Variants in NRP1 observed in about 807,000 individuals in gnomAD.
The protein encoded by NRP1 is neuropilin-1.
NRP1 carries 35 observed loss-of-function variants against 106.7 expected under a neutral mutation model. The ratio of observed to expected loss-of-function variants is 0.33; its 90% CI spans 0.25 to 0.43. The LOEUF (loss-of-function observed/expected upper bound fraction) is 0.43, where lower values mean the gene tolerates loss of function less well. Ranked by LOEUF, NRP1 falls within the 20% of genes least tolerant of loss-of-function variation. The pLI, the probability that NRP1 is intolerant of heterozygous loss-of-function variation, is 1.00. For synonymous variants in NRP1, 437 were observed against 417.9 expected (o/e 1.05, Z -0.56); for missense variants, 1,024 against 1,170.4 (o/e 0.87, Z 1.83).
At chr10:33,299,145 T>C (rs1306845316) in intron 2 of NRP1, among the ~76,000 whole-genome samples, 1 of 152,192 alleles carries the variant, frequency 6.6e-6, no homozygotes, top group Non-Finnish European at 1.5e-5. Context: ...TGGCTCTGTC[T>C]GACCCAAAGT....
rs190204725 is a variant in NRP1, at chr10:33,316,790, T to C, written c.248+13918A>G. Reference sequence around the variant, plus strand: ...GAAATCAGGGCCAAGAAATGGCCAATGTTTTGAAGCATTAGAAGAGCCACT... The same window carrying C: ...GAAATCAGGGCCAAGAAATGGCCAACGTTTTGAAGCATTAGAAGAGCCACT... On this transcript the variant is annotated intron_variant, in intron 2 of 16. Transcript: ENST00000374867. 7.2e-5 allele frequency among the ~76,000 whole-genome samples: 11 copies of C among 152,346 alleles called. No individual in the cohort carries two copies. The East Asian group carries it at 1.2e-3, about 16-fold the overall frequency.
intron 2 of NRP1, among the ~76,000 whole-genome samples, chr10:33,275,580 G>A (rs117827557): frequency 0.038 from 5,676 of 150,766 alleles, 162 homozygotes; most frequent in Non-Finnish European, 0.061. Flanking sequence ...ACAAACAAAC[G>A]AAAACAACAC....
chr10:33,251,384 G>T lies in NRP1; in HGVS notation c.981+2644C>A, dbSNP rs1399593056. On this transcript the variant is annotated intron_variant, in intron 6 of 16. Transcript: ENST00000374867. ...CAGTCTTGGGTAGTTCTTTATAGCG[G>T]TGTGAGAACAGACTAATACACTCTG... 2.6e-5 allele frequency among the ~76,000 whole-genome samples: 4 copies of T among 151,754 alleles called. No individual in the cohort carries two copies. The East Asian group carries it at 7.7e-4, about 29-fold the overall frequency.
chr10:33,300,665 T>A (rs1178190323), intron 2 of NRP1, among the ~76,000 whole-genome samples: 1 of 152,204 alleles, frequency 6.6e-6, no homozygotes, highest in Non-Finnish European at 1.5e-5. Context: ...ACCCCTCTGC[T>A]CACAGAGATA....
intron 11 of NRP1, chr10:33,202,479 G>C (rs1416855610): frequency 7.0e-6 from 6 of 851,572 alleles, no homozygotes; most frequent in African/African-American, 5.1e-5. Flanking sequence ...GTTGGATAAA[G>C]GATCCACTCA....
At chr10:33,320,191 T>C (rs1458139529) in intron 2 of NRP1, among the ~76,000 whole-genome samples, 1 of 151,916 alleles carries the variant, frequency 6.6e-6, no homozygotes, top group Non-Finnish European at 1.5e-5. Flanking sequence ...CGTGTGCCTG[T>C]AGTCCCAGCT....
chr10:33,215,649 AATAT>A (rs1462300915), intron 8 of NRP1, among the ~76,000 whole-genome samples: 1 of 152,208 alleles, frequency 6.6e-6, no homozygotes, highest in Non-Finnish European at 1.5e-5. Context: ...TTAGCCTAAA[AATAT>A]AACTACCCCT....
chr10:33,232,638 C>CTTTTT (rs71030049), intron 6 of NRP1, among the ~76,000 whole-genome samples: 25 of 94,212 alleles, frequency 2.7e-4, no homozygotes, highest in African/African-American at 4.0e-4. Context: ...TTTTCTTTTC[C>CTTTTT]TTTTTTTTTT....
intron 2 of NRP1, among the ~76,000 whole-genome samples, chr10:33,295,103 T>C (rs1266339541): frequency 1.3e-5 from 2 of 152,302 alleles, no homozygotes; most frequent in South Asian, 2.1e-4. Context: ...ACAGGTACCA[T>C]ATAAGGAGTA....
At chr10:33,253,583 A>G (rs1289918029) in intron 6 of NRP1, among the ~76,000 whole-genome samples, 1 of 152,186 alleles carries the variant, frequency 6.6e-6, no homozygotes, top group East Asian at 1.9e-4. Context: ...ACAGAAACCT[A>G]TTATTGGAAA....
chr10:33,256,665 A>G (rs1053522746), intron 4 of NRP1, among the ~76,000 whole-genome samples, 194 bp from the exon 5 acceptor site: 1 of 152,250 alleles, frequency 6.6e-6, no homozygotes. Context: ...AAGTGTACTC[A>G]GAAGGGCAGT....
chr10:33,313,745 C>T (rs757553205), intron 2 of NRP1, among the ~76,000 whole-genome samples: 1 of 152,126 alleles, frequency 6.6e-6, no homozygotes, highest in African/African-American at 2.4e-5. Context: ...GGGCATCACA[C>T]ATGAAGACCG....
chr10:33,266,650 A>G (rs1017379795), intron 3 of NRP1, among the ~76,000 whole-genome samples: 1 of 152,176 alleles, frequency 6.6e-6, no homozygotes, highest in Non-Finnish European at 1.5e-5. Context: ...TAGTGTTTGG[A>G]TCTGTGTCCC....
intron 8 of NRP1, among the ~76,000 whole-genome samples, chr10:33,217,998 C>T (rs1391705981): frequency 6.6e-6 from 1 of 152,176 alleles, no homozygotes; most frequent in Admixed American, 6.5e-5. Flanking sequence ...ATAATTTAAT[C>T]TCTCCTTGAT....
intron 2 of NRP1, among the ~76,000 whole-genome samples, chr10:33,328,175 T>C (rs1431576564): frequency 2.0e-5 from 3 of 152,160 alleles, no homozygotes; most frequent in African/African-American, 7.2e-5. Flanking sequence ...TTTCTGTGAA[T>C]TACAATCATC....
At chr10:33,305,345 T>C (rs2132731332) in intron 2 of NRP1, among the ~76,000 whole-genome samples, 1 of 152,376 alleles carries the variant, frequency 6.6e-6, no homozygotes, top group Admixed American at 6.5e-5. Flanking sequence ...CTATAATTTC[T>C]ACCCATTGGT....
intron 2 of NRP1, among the ~76,000 whole-genome samples, chr10:33,281,026 C>A (rs1844086067): frequency 6.7e-6 from 1 of 149,504 alleles, no homozygotes. Context: ...ATTCTCCTCT[C>A]TCTGCTCCAC....
At chr10:33,300,429 G>A (rs1047093136) in intron 2 of NRP1, among the ~76,000 whole-genome samples, 2 of 152,222 alleles carry the variant, frequency 1.3e-5, no homozygotes, top group African/African-American at 4.8e-5. Context: ...GCGGCCAGGA[G>A]AGGATTTCCA....
chr10:33,240,132 T>G (rs1010054151), intron 6 of NRP1, among the ~76,000 whole-genome samples: 3 of 152,192 alleles, frequency 2.0e-5, no homozygotes, highest in Non-Finnish European at 4.4e-5. Context: ...GAAGAAGTCT[T>G]GGAGGTGGCT....
Sources: gnomAD v4.1 joint callset for allele counts (sites outside exome capture counted in the v4.1 genomes callset) on GRCh38, gnomAD v4.1.1 for gene constraint, MANE v1.5 for transcripts, NCBI Gene and HGNC (gene_info 2026-07-23, HGNC 2026-07-21) for gene names.